Variants in PODN observed in about 807,000 individuals in gnomAD.
The protein encoded by PODN is podocan, also known as podocan proteoglycan.
In PODN, 40 loss-of-function variants were observed where a neutral mutation model predicts 52.7. That is an observed-to-expected ratio of 0.76 (90% CI 0.59 to 0.99). The LOEUF is 0.99. Ranked by LOEUF, PODN falls within the 50% of genes least tolerant of loss-of-function variation. PODN has a pLI of 0.00. For synonymous variants in PODN, 396 were observed against 377.9 expected, an observed-to-expected ratio of 1.05 and a Z score of -0.56; for missense variants, 720 against 815.1, an observed-to-expected ratio of 0.88 and a Z score of 1.42.
At position 53,077,673 on chromosome 1, in the gene PODN, TC is replaced by T. The variant is rs1254501646; in HGVS notation, c.739-10del. 52 of 1,608,154 alleles carry T rather than the reference TC, an allele frequency of 3.2e-5. No homozygotes were observed. The highest frequency in any genetic ancestry group is 4.2e-5 in the Non-Finnish European group (50 of 1,176,828). Reference sequence around the variant, plus strand: ...TCCCTCACAATCTCCTCCCTTCCCTTCCATCCCCCAGAACAACAAGCTGGAG... The same window carrying T: ...TCCCTCACAATCTCCTCCCTTCCCTTCATCCCCCAGAACAACAAGCTGGAG... On this transcript the variant is annotated splice_polypyrimidine_tract_variant and intron_variant, in intron 6 of 10. Coordinates refer to ENST00000312553, the MANE Select transcript of PODN (RefSeq NM_153703.5).
chr1:53,082,005 C>G lies in PODN; in HGVS notation c.1686C>G (p.Ser562=). 6.2e-7 allele frequency: 1 copy of G among 1,605,566 alleles called. No individual in the cohort carries two copies. The highest frequency in any genetic ancestry group is 8.5e-7 in the Non-Finnish European group (1 of 1,175,482). The change falls in exon 10 of 11, where the codon TCC becomes TCG. Residue 562 remains serine, a synonymous_variant. Transcript: ENST00000312553. ...FLRFNKLAVG[S]VVDSAFRRLK... Reference sequence around the variant, plus strand: ...GGTTTAACAAGCTGGCTGTGGGCTCCGTGGTGGACAGTGCCTTCCGGAGGC... The same window carrying G: ...GGTTTAACAAGCTGGCTGTGGGCTCGGTGGTGGACAGTGCCTTCCGGAGGC...
At chr1:53,066,583 C>T (rs753582281) in intron 1 of PODN, among the ~76,000 whole-genome samples, 1 of 152,086 alleles carries the variant, frequency 6.6e-6, no homozygotes, top group Non-Finnish European at 1.5e-5. Context: ...AGGGCAGAAG[C>T]CACGCTGAGT....
At chr1:53,062,381 C>T (rs1041573006) in intron 1 of PODN, 73 bp downstream of exon 1, 56 of 1,107,696 alleles carry the variant, frequency 5.1e-5, no homozygotes, top group Admixed American at 4.7e-4. Flanking sequence ...CAGACGTCCC[C>T]GCCTCTCCGG....
chr1:53,070,128 G>T lies in PODN; in HGVS notation c.273G>T (p.Pro91=). ...GCGGTATTGACCTGCGTGAGTTCCC[G>T]GGGGACCTGCCTGAGCACACCAACC... is the stretch of plus-strand genomic sequence containing the variant. The part of the protein sequence containing the change: ...DCGGIDLREF[P]GDLPEHTNHL... Residue 91 remains proline, a synonymous_variant, in exon 2 of 11, where the codon CCG becomes CCT. Transcript: ENST00000312553. 1 of 1,611,336 alleles carries T rather than the reference G, an allele frequency of 6.2e-7. No individual in the cohort carries two copies.
chr1:53,066,077 C>A (rs1391231849), intron 1 of PODN, among the ~76,000 whole-genome samples: 1 of 148,074 alleles, frequency 6.8e-6, no homozygotes, highest in Non-Finnish European at 1.5e-5. Flanking sequence ...CTCACAGCAG[C>A]CTCAACCTCC....
Position 53,074,592 on chromosome 1 carries a change from C to T in PODN, c.407-14C>T, listed in dbSNP as rs371397336. 4.8e-5 allele frequency: 77 copies of T among 1,613,912 alleles called. No individual in the cohort carries two copies. The highest frequency in any genetic ancestry group is 2.3e-4 in the Admixed American group (14 of 60,018). ...CCTCCATCCAGGGCTCTGACCGATG[C>T]CTGTCCTTTGAAGGGCTCCCAGAGA... is the stretch of plus-strand genomic sequence containing the variant. On this transcript the variant is annotated splice_polypyrimidine_tract_variant and intron_variant, in intron 3 of 10. Transcript: ENST00000312553.
chr1:53,074,691 TG>T (rs536668847), intron 4 of PODN, 21 bp downstream of exon 4: 3 of 1,611,872 alleles, frequency 1.9e-6, no homozygotes, highest in East Asian at 2.2e-5. Context: ...TGAGGCAGGG[TG>T]GGGGGTTGCT....
intron 10 of PODN, 42 bp downstream of exon 10, chr1:53,082,230 C>A: frequency 6.9e-7 from 1 of 1,444,706 alleles, no homozygotes. Flanking sequence ...CTGCTCCCTG[C>A]ATTTTCCCCT....
intron 1 of PODN, among the ~76,000 whole-genome samples, 160 bp from the exon 2 acceptor site, chr1:53,069,641 G>A (rs920889417): frequency 1.3e-5 from 2 of 152,228 alleles, no homozygotes; most frequent in South Asian, 2.1e-4. Context: ...CTCGTCCCCC[G>A]CCTCTGGAGG....
At chr1:53,083,698 G>C (rs1644325616) in intron 10 of PODN, among the ~76,000 whole-genome samples, 1 of 152,250 alleles carries the variant, frequency 6.6e-6, no homozygotes, top group Admixed American at 6.5e-5. Flanking sequence ...AGGAACAAGG[G>C]AGTGTGTTGG....
At chr1:53,068,392 T>A (rs967254797) in intron 1 of PODN, among the ~76,000 whole-genome samples, 2 of 152,178 alleles carry the variant, frequency 1.3e-5, no homozygotes, top group African/African-American at 4.8e-5. Flanking sequence ...CCAGTGCTTG[T>A]GGCCACTCAG....
Position 53,069,905 on chromosome 1 carries a change from T to C in PODN, c.50T>C (p.Leu17Pro). Reference protein sequence around the residue: ...LLLLLLLPPQLHLGPVLAVRA... With the variant: ...LLLLLLLPPQPHLGPVLAVRA... The stretch of plus-strand genomic sequence containing the variant: ...CTCCTGCTGCTGCTGCCGCCACAGC[T>C]GCACCTGGGACCTGTGCTTGCCGTG... Residue 17 changes from leucine (L) to proline (P), a missense_variant, in exon 2 of 11, where the codon CTG becomes CCG. By Grantham distance (98) the Leu-to-Pro change is moderately conservative. Transcript: ENST00000312553. The C allele has an allele frequency of 6.4e-7, 1 of 1,570,904 alleles. No individual in the cohort carries two copies.
rs372849593 is a variant in PODN at position 53,062,232 on chromosome 1, C to A, written c.-132C>A. On this transcript the variant is annotated 5_prime_UTR_variant, in exon 1 of 11. Coordinates refer to ENST00000312553, the MANE Select transcript of PODN (RefSeq NM_153703.5). ...CAGCTTGACTTGAATGGAAGGAGCC[C>A]GAGCCCGCGGAGCGCAGCTGAGACT... 1.6e-6 allele frequency: 2 copies of A among 1,274,146 alleles called. No homozygotes were observed. Among genetic ancestry groups the A allele is most frequent in the Non-Finnish European group, 2.0e-6 (2 of 1,003,468 alleles). The allele number at this position is 1,274,146 out of a possible 1,614,324, so 78.9% of individuals were successfully genotyped here.
intron 1 of PODN, among the ~76,000 whole-genome samples, chr1:53,065,321 A>T (rs1377895225): frequency 6.6e-6 from 1 of 152,076 alleles, no homozygotes; most frequent in African/African-American, 2.4e-5. Flanking sequence ...GTGCTACTGC[A>T]GTCCAGCCTG....
At chr1:53,076,102 C>T (rs1644190990) in intron 5 of PODN, 131 bp downstream of exon 5, 1 of 750,558 alleles carries the variant, frequency 1.3e-6, no homozygotes, top group African/African-American at 1.7e-5. Context: ...TGGAGGGACA[C>T]CCAGGGGCCC....
chr1:53,068,069 C>A (rs1207253132), intron 1 of PODN, among the ~76,000 whole-genome samples: 2 of 152,064 alleles, frequency 1.3e-5, no homozygotes, highest in African/African-American at 4.8e-5. Context: ...GAAAAGCTAA[C>A]GTTTACTGAG....
rs61517602 is a variant in PODN at position 53,068,055 on chromosome 1, G to C, written c.-55-1746G>C. On this transcript the variant is annotated intron_variant, in intron 1 of 10. Coordinates refer to ENST00000312553, the MANE Select transcript of PODN (RefSeq NM_153703.5). The stretch of plus-strand genomic sequence containing the variant: ...ATGCCCATGGAACAGACAATTAGTG[G>C]CAGGAAAAGCTAACGTTTACTGAGC... 8.1e-3 allele frequency among the ~76,000 whole-genome samples: 1,232 copies of C among 152,230 alleles called. 95 individuals carry two copies. In the East Asian group the frequency reaches 0.19, roughly 23 times the overall value.
chr1:53,082,617 A>C (rs1024749018), intron 10 of PODN, among the ~76,000 whole-genome samples: 1 of 152,218 alleles, frequency 6.6e-6, no homozygotes, highest in Admixed American at 6.5e-5. Flanking sequence ...GGAAAACCCC[A>C]GACTGCCGTG....
chr1:53,070,439 C>T lies in PODN; in HGVS notation c.312+272C>T, dbSNP rs74082418. Among the ~76,000 whole-genome samples the T allele has an allele frequency of 2.3e-3, 351 of 152,332 alleles. 1 individual carries two copies. Among genetic ancestry groups the T allele is most frequent in the Admixed American group, 5.7e-3 (87 of 15,306 alleles). ...AGAGTCCAGGCTGGGCCCAGTAAGT[C>T]GAGCCAGGCTCTGTCTGAAAATGGA... is the stretch of plus-strand genomic sequence containing the variant. On this transcript the variant is annotated intron_variant, in intron 2 of 10. Coordinates refer to ENST00000312553, the MANE Select transcript of PODN (RefSeq NM_153703.5).
Sources: gnomAD v4.1 joint callset for allele counts (sites outside exome capture counted in the v4.1 genomes callset) on GRCh38, gnomAD v4.1.1 for gene constraint, MANE v1.5 for transcripts, NCBI Gene and HGNC (gene_info 2026-07-23, HGNC 2026-07-21) for gene names.